ZNF536: variants seen among roughly 807,000 people sequenced by gnomAD.
The protein encoded by ZNF536 is zinc finger protein 536.
A neutral mutation model predicts 84.5 loss-of-function variants in ZNF536; 13 were observed. That is an observed-to-expected ratio of 0.15 (90% CI 0.10 to 0.24). The LOEUF (loss-of-function observed/expected upper bound fraction) is 0.24, where lower values mean the gene tolerates loss of function less well. Ranked by LOEUF, ZNF536 falls within the 10% of genes least tolerant of loss-of-function variation. The probability of loss-of-function intolerance (pLI) is 1.00; values close to 1 mark genes in which losing one functional copy is unlikely to be tolerated. For missense variants in ZNF536, 1,536 were observed against 1,747.5 expected (o/e 0.88, Z 2.16); for synonymous variants, 811 against 742.5 (o/e 1.09, Z -1.50).
intron 1 of ZNF536, among the ~76,000 whole-genome samples, chr19:30,631,805 T>C (rs1305527799): frequency 6.6e-6 from 1 of 152,188 alleles, no homozygotes; most frequent in Admixed American, 6.5e-5. Flanking sequence ...AAACATTCTG[T>C]TCTTCAGCTT....
rs1375446758 is a variant in ZNF536, at chr19:30,501,972, G to T, written c.2171-32875G>T. Among the ~76,000 whole-genome samples the T allele has an allele frequency of 2.0e-5, 3 of 152,190 alleles. No individual in the cohort carries two copies. The East Asian group carries it at 5.8e-4, about 29-fold the overall frequency. On this transcript the variant is annotated intron_variant, in intron 2 of 4. Coordinates refer to ENST00000355537, the MANE Select transcript of ZNF536 (RefSeq NM_014717.3). ...TCCCCAGGGATATAGCTCCAGGGGA[G>T]ACACTTTGGGATACTGAGTATTCTG... is the stretch of plus-strand genomic sequence containing the variant.
chr19:30,597,335 G>C (rs1021195046), intron 1 of ZNF536, among the ~76,000 whole-genome samples: 1 of 152,238 alleles, frequency 6.6e-6, no homozygotes, highest in Non-Finnish European at 1.5e-5. Flanking sequence ...CACGTGCTTG[G>C]CAAACAGACA....
intron 1 of ZNF536, among the ~76,000 whole-genome samples, chr19:30,267,996 T>A (rs1568546076): frequency 6.6e-6 from 1 of 152,044 alleles, no homozygotes; most frequent in African/African-American, 2.4e-5. Context: ...ATTTCTCATA[T>A]GGAGAAAATG....
exon 2 of ZNF536, chr19:30,711,865 T>C (rs887637362): frequency 6.6e-6 from 1 of 152,212 alleles, no homozygotes; most frequent in Non-Finnish European, 1.5e-5. Flanking sequence ...CCATAGAAGA[T>C]GCTGGTGAGC....
intron 1 of ZNF536, among the ~76,000 whole-genome samples, chr19:30,373,803 G>T (rs1049482124): frequency 1.3e-5 from 2 of 152,164 alleles, no homozygotes; most frequent in African/African-American, 2.4e-5. Context: ...ATCAGATGCC[G>T]AGGAAAGATG....
chr19:30,382,780 C>A (rs2049072018), intron 1 of ZNF536, among the ~76,000 whole-genome samples: 1 of 152,060 alleles, frequency 6.6e-6, no homozygotes. Context: ...GAGGGAAGGG[C>A]AGGTGTACAA....
chr19:30,271,874 C>T (rs574669513), intron 1 of ZNF536, among the ~76,000 whole-genome samples: 17 of 152,236 alleles, frequency 1.1e-4, no homozygotes, highest in Non-Finnish European at 2.1e-4. Flanking sequence ...GACACAAGTC[C>T]GTGCGTTTTG....
chr19:30,482,312 G>C (rs940104339), intron 2 of ZNF536, among the ~76,000 whole-genome samples: 2 of 152,214 alleles, frequency 1.3e-5, no homozygotes, highest in African/African-American at 4.8e-5. Context: ...TTCTGAGGTA[G>C]ATACTGATTT....
chr19:30,418,508 G>A (rs529547352), intron 1 of ZNF536, among the ~76,000 whole-genome samples: 1 of 152,210 alleles, frequency 6.6e-6, no homozygotes, highest in Non-Finnish European at 1.5e-5. Context: ...AAATATCTGA[G>A]GAGAAAAAAA....
At chr19:30,456,662 T>C (rs1359712974) in intron 2 of ZNF536, among the ~76,000 whole-genome samples, 1 of 152,232 alleles carries the variant, frequency 6.6e-6, no homozygotes, top group Non-Finnish European at 1.5e-5. Context: ...GTTCAATCAT[T>C]AATTCACTTA....
intron 2 of ZNF536, among the ~76,000 whole-genome samples, chr19:30,471,084 G>A (rs1213198664): frequency 2.0e-5 from 3 of 151,612 alleles, no homozygotes; most frequent in Non-Finnish European, 2.9e-5. Context: ...TCCTCCCAAA[G>A]TGCTGGGATT....
chr19:30,704,902 A>C (rs1421982960), intron 1 of ZNF536, among the ~76,000 whole-genome samples: 1 of 148,976 alleles, frequency 6.7e-6, no homozygotes, highest in Non-Finnish European at 1.5e-5. Flanking sequence ...ATCCACAGGG[A>C]CGTATTCAGC....
intron 1 of ZNF536, among the ~76,000 whole-genome samples, chr19:30,574,136 A>C (rs1438799162): frequency 6.6e-6 from 1 of 152,212 alleles, no homozygotes; most frequent in Non-Finnish European, 1.5e-5. Flanking sequence ...TCTATTTCCC[A>C]AAATTAAAAG....
intron 2 of ZNF536, among the ~76,000 whole-genome samples, chr19:30,307,730 A>G (rs1332349933): frequency 6.6e-6 from 1 of 152,176 alleles, no homozygotes; most frequent in Non-Finnish European, 1.5e-5. Flanking sequence ...AGCCTGACCC[A>G]CAAGTAAAAC....
At chr19:30,308,780 G>C (rs1205578230) in intron 2 of ZNF536, among the ~76,000 whole-genome samples, 1 of 152,216 alleles carries the variant, frequency 6.6e-6, no homozygotes, top group East Asian at 1.9e-4. Context: ...GAGTCCAGCA[G>C]TCTGTGTTTT....
intron 1 of ZNF536, among the ~76,000 whole-genome samples, chr19:30,592,120 A>G (rs1359367501): frequency 1.3e-5 from 2 of 152,242 alleles, no homozygotes; most frequent in African/African-American, 2.4e-5. Context: ...CTTGCACTAA[A>G]TATCATAATC....
chr19:30,364,872 T>C (rs1307265064), intron 3 of ZNF536, among the ~76,000 whole-genome samples: 1 of 152,200 alleles, frequency 6.6e-6, no homozygotes, highest in Non-Finnish European at 1.5e-5. Context: ...TATATGCCAA[T>C]GTCAAGAGCA....
chr19:30,465,982 C>A (rs1193476426), intron 2 of ZNF536, among the ~76,000 whole-genome samples: 3 of 152,000 alleles, frequency 2.0e-5, no homozygotes, highest in Non-Finnish European at 4.4e-5. Flanking sequence ...GATCTCCTGA[C>A]CTTGTGATCC....
chr19:30,638,552 G>A (rs7359955), intron 1 of ZNF536, among the ~76,000 whole-genome samples: 143,722 of 152,116 alleles, frequency 0.94, 68,208 homozygotes, highest in Non-Finnish European at 0.99. Context: ...ACTGTCACAA[G>A]AACATTACCA....
Sources: allele counts gnomAD v4.1 joint callset (sites outside exome capture counted in the v4.1 genomes callset), GRCh38; gene constraint gnomAD v4.1.1; transcripts MANE v1.5; gene names NCBI Gene and HGNC (gene_info 2026-07-23, HGNC 2026-07-21).